The following TFAP2C variants were observed in gnomAD, a reference collection of about 807,000 sequenced individuals.
TFAP2C encodes the protein activating enhancer-binding protein 2 gamma.
In TFAP2C, 9 loss-of-function variants were observed where a neutral mutation model predicts 42.9. The observed-to-expected ratio is 0.21, with a 90% CI of 0.13 to 0.37. The LOEUF (loss-of-function observed/expected upper bound fraction) is 0.37. TFAP2C is among the 10% of genes least tolerant of loss of function. TFAP2C has a pLI of 1.00. For missense variants in TFAP2C, 462 were observed against 591.7 expected (o/e 0.78, Z 2.27); for synonymous variants, 264 against 256.0 (o/e 1.03, Z -0.30).
Position 56,639,064 on chromosome 20 carries a change from G to C in TFAP2C, c.*1051G>C, listed in dbSNP as rs1156789856. 1 of 152,550 alleles carries C rather than the reference G, an allele frequency of 6.6e-6. No individual in the cohort carries two copies. Among genetic ancestry groups the C allele is most frequent in the Non-Finnish European group, 1.5e-5 (1 of 68,032 alleles). The allele number at this position is 152,550 out of a possible 1,614,324, so 9.4% of individuals were successfully genotyped here. ...AAGAATTAAGAGGATGCTGGGCTCTGTTCTTGGCTTGGAAGATTCTATTTA... is the reference window on the plus strand; with the variant it reads ...AAGAATTAAGAGGATGCTGGGCTCTCTTCTTGGCTTGGAAGATTCTATTTA... On this transcript the variant is annotated 3_prime_UTR_variant, in exon 7 of 7. Coordinates refer to ENST00000201031, the MANE Select transcript of TFAP2C (RefSeq NM_003222.4).
chr20:56,636,343 G>T (rs899122154), intron 5 of TFAP2C, among the ~76,000 whole-genome samples: 1 of 152,164 alleles, frequency 6.6e-6, no homozygotes, highest in East Asian at 1.9e-4. Flanking sequence ...GCTGGCCAAT[G>T]TGGCAAAACC....
At position 56,638,795 on chromosome 20, in the gene TFAP2C, GT is replaced by G. The variant is rs1245039696; in HGVS notation, c.*783del. 2.0e-5 allele frequency: 3 copies of G among 152,200 alleles called. No individual in the cohort carries two copies. The highest frequency in any genetic ancestry group is 2.9e-5 in the Non-Finnish European group (2 of 67,984). 9.4% of individuals were successfully genotyped at this position (152,200 alleles called of 1,614,324 possible). A position where few individuals can be genotyped will look rare whatever the true frequency, so the allele number is the denominator to read the frequency against. Reference sequence around the variant, plus strand: ...GATGTTTCGAGTAAACTTGAAAAGGGTAGGCACGAAGCAATTTGTTGCTGCT... The same window carrying G: ...GATGTTTCGAGTAAACTTGAAAAGGGAGGCACGAAGCAATTTGTTGCTGCT... On this transcript the variant is annotated 3_prime_UTR_variant, in exon 7 of 7. Transcript: ENST00000201031.
chr20:56,629,530 GGGACGCC>G lies in TFAP2C; in HGVS notation c.-7_-1del. 1 of 1,420,746 alleles carries G rather than the reference GGGACGCC, an allele frequency of 7.0e-7. No homozygotes were observed. The highest frequency in any genetic ancestry group is 9.2e-7 in the Non-Finnish European group (1 of 1,084,618). 88.0% of individuals were successfully genotyped at this position (1,420,746 alleles called of 1,614,324 possible). A position where few individuals can be genotyped will look rare whatever the true frequency, so the allele number is the denominator to read the frequency against. ...TGGATTTAACTGGCGACTGTTTTGG[GGGACGCC>G]GGACGCCATGTTGTGGAAAATAACC... On this transcript the variant is annotated 5_prime_UTR_variant, in exon 1 of 7. Transcript: ENST00000201031. The surrounding 1 kb of genome is among the most constrained non-coding windows in gnomAD (Gnocchi z 5.9).
In TFAP2C at chr20:56,631,660, C is replaced by G. The variant is rs1374158707; in HGVS notation, c.504C>G (p.His168Gln). Residue 168 changes from histidine to glutamine, a missense_variant, in exon 2 of 7, where the codon CAC (histidine) becomes CAG (glutamine). Physicochemically the swap from His to Gln is conservative, Grantham distance 24. Around this residue, in one of 5 missense-constraint regions of TFAP2C, gnomAD observed 271 missense variants for 269.7 expected, o/e 1.00. Transcript: ENST00000201031. The surrounding 1 kb of genome is among the most constrained non-coding windows in gnomAD (Gnocchi z 6.1). ...GCCTGGCCGAGAACCTGGGGCTCCA[C>G]GACATGCCTCACCAGATGGACGAGG... ...AAGLAENLGL[H>Q]DMPHQMDEVQ... The G allele has an allele frequency of 4.4e-6, 7 of 1,586,128 alleles. No homozygotes were observed. Among genetic ancestry groups the G allele is most frequent in the Non-Finnish European group, 6.0e-6 (7 of 1,169,894 alleles).
At position 56,630,791 on chromosome 20, in the gene TFAP2C, A is replaced by T. The variant is rs537341326; in HGVS notation, c.49-414A>T. On this transcript the variant is annotated intron_variant, in intron 1 of 6. Transcript: ENST00000201031. This position sits in a 1 kb window ranked among gnomAD's most constrained non-coding sequence, Gnocchi z 5.1. ...TGCCACCTCCAGCAGTCCCTGCGTCATGGGCGGGCTCCACGAGATAGCTCT... is the reference window on the plus strand; with the variant it reads ...TGCCACCTCCAGCAGTCCCTGCGTCTTGGGCGGGCTCCACGAGATAGCTCT... 8.1e-6 allele frequency: 8 copies of T among 985,210 alleles called. No individual in the cohort carries two copies. The highest frequency in any genetic ancestry group is 1.2e-4 in the Admixed American group (2 of 16,270). 61.0% of individuals were successfully genotyped at this position (985,210 alleles called of 1,614,324 possible).
At position 56,630,906 on chromosome 20, in the gene TFAP2C, C is replaced by A. The variant is rs1363721349; in HGVS notation, c.49-299C>A. The A allele has an allele frequency of 1.0e-6, 1 of 985,314 alleles. No individual in the cohort carries two copies. The highest frequency in any genetic ancestry group is 1.7e-5 in the African/African-American group (1 of 57,240). The allele number at this position is 985,314 out of a possible 1,614,324, so 61.0% of individuals were successfully genotyped here. On this transcript the variant is annotated intron_variant, in intron 1 of 6. Transcript: ENST00000201031. The surrounding 1 kb of genome is among the most constrained non-coding windows in gnomAD (Gnocchi z 5.1). ...CTTTTCTGGCCCAAGACCCAGGGTT[C>A]GGACTTGGCGCCTCCAAGCGCCTCG...
Position 56,631,648 on chromosome 20 carries a change from C to A in TFAP2C, c.492C>A (p.Asn164Lys). The A allele has an allele frequency of 6.3e-7, 1 of 1,582,974 alleles. No homozygotes were observed. The highest frequency in any genetic ancestry group is 1.7e-5 in the Admixed American group (1 of 57,506). ...HALDAAGLAE[N>K]LGLHDMPHQM... ...TGGATGCCGCGGGCCTGGCCGAGAACCTGGGGCTCCACGACATGCCTCACC... is the reference window on the plus strand; with the variant it reads ...TGGATGCCGCGGGCCTGGCCGAGAAACTGGGGCTCCACGACATGCCTCACC... Residue 164 changes from asparagine to lysine, a missense_variant, in exon 2 of 7, where the codon AAC becomes AAA. Coordinates refer to ENST00000201031, the MANE Select transcript of TFAP2C (RefSeq NM_003222.4). The surrounding 1 kb of genome is among the most constrained non-coding windows in gnomAD (Gnocchi z 6.1).
chr20:56,633,250 T>C, intron 3 of TFAP2C, 103 bp from the exon 4 acceptor site: 1 of 849,744 alleles, frequency 1.2e-6, no homozygotes, highest in Non-Finnish European at 1.9e-6. Context: ...TGTGCAATGA[T>C]GCTTGTCTAA....
chr20:56,629,601 G>A lies in TFAP2C; in HGVS notation c.48+9G>A, dbSNP rs1179099840. 1 of 1,410,820 alleles carries A rather than the reference G, an allele frequency of 7.1e-7. No homozygotes were observed. 87.4% of individuals were successfully genotyped at this position (1,410,820 alleles called of 1,614,324 possible). On this transcript the variant is annotated intron_variant, in intron 1 of 6. Transcript: ENST00000201031. This position sits in a 1 kb window ranked among gnomAD's most constrained non-coding sequence, Gnocchi z 5.9. ...ACGAAGAGGACTGCGAGGTGAGCTGGGGCTCCGGGGTGCAGCCCCGCCCCG... is the reference window on the plus strand; with the variant it reads ...ACGAAGAGGACTGCGAGGTGAGCTGAGGCTCCGGGGTGCAGCCCCGCCCCG...
At chr20:56,636,525 CAA>C (rs74181067) in intron 5 of TFAP2C, 83 bp from the exon 6 acceptor site, 24,599 of 1,213,522 alleles carry the variant, frequency 0.02, 6 homozygotes, top group South Asian at 0.032. Context: ...GACTCCGTGT[CAA>C]AAAAAAAAAA....
In TFAP2C at chr20:56,637,942, A is replaced by C; in HGVS notation, c.1282A>C (p.Met428Leu). 2 of 1,613,968 alleles carry C rather than the reference A, an allele frequency of 1.2e-6. No homozygotes were observed. Among genetic ancestry groups the C allele is most frequent in the Non-Finnish European group, 1.7e-6 (2 of 1,179,820 alleles). The change falls in exon 7 of 7, where the codon ATG (methionine) becomes CTG (leucine). Residue 428 changes from methionine to leucine, a missense_variant. Transcript: ENST00000201031. ...EALIVIDKSY[M>L]NPGDQSPADS... ...CCTGATTGTCATAGACAAATCCTAC[A>C]TGAACCCTGGAGACCAGAGTCCAGC...
rs1186079289 is a variant in TFAP2C at position 56,637,784 on chromosome 20, C to T, written c.1124C>T (p.Thr375Ile). ...AGCCAAGACCGGACACCCCATGGGA[C>T]CAGCAGGCTCGCCCCAGTCTTGGAG... Reference protein sequence around the residue: ...LLSQDRTPHGTSRLAPVLETN... With the variant: ...LLSQDRTPHGISRLAPVLETN... The change falls in exon 7 of 7, where the codon ACC becomes ATC. Residue 375 changes from threonine (T) to isoleucine (I), a missense_variant. This residue lies in a region of TFAP2C where 130 missense variants were observed against 160.8 expected (regional missense o/e 0.81). Coordinates refer to ENST00000201031, the MANE Select transcript of TFAP2C (RefSeq NM_003222.4). 1.2e-6 allele frequency: 2 copies of T among 1,614,164 alleles called. No individual in the cohort carries two copies. The highest frequency in any genetic ancestry group is 1.7e-6 in the Non-Finnish European group (2 of 1,180,020).
intron 3 of TFAP2C, among the ~76,000 whole-genome samples, chr20:56,633,084 A>T (rs540444027): frequency 6.6e-6 from 1 of 152,152 alleles, no homozygotes; most frequent in African/African-American, 2.4e-5. Context: ...AATTAGCTGG[A>T]TGTAGTGGTG....
Position 56,630,893 on chromosome 20 carries a change from A to C in TFAP2C, c.49-312A>C. On this transcript the variant is annotated intron_variant, in intron 1 of 6. Transcript: ENST00000201031. This position sits in a 1 kb window ranked among gnomAD's most constrained non-coding sequence, Gnocchi z 5.1. ...CTCCGGCCACGGACTTTTCTGGCCC[A>C]AGACCCAGGGTTCGGACTTGGCGCC... 2.0e-6 allele frequency: 2 copies of C among 985,184 alleles called. No homozygotes were observed. The highest frequency in any genetic ancestry group is 1.2e-6 in the Non-Finnish European group (1 of 829,860). The allele number at this position is 985,184 out of a possible 1,614,324, so 61.0% of individuals were successfully genotyped here.
At chr20:56,634,386 G>A (rs1987548228) in intron 5 of TFAP2C, 118 bp downstream of exon 5, 3 of 713,114 alleles carry the variant, frequency 4.2e-6, no homozygotes, top group South Asian at 3.3e-5. Flanking sequence ...AGAGATGAAA[G>A]CAATTGGAAT....
chr20:56,632,931 A>T (rs986904933), intron 3 of TFAP2C, among the ~76,000 whole-genome samples: 10 of 152,178 alleles, frequency 6.6e-5, no homozygotes, highest in African/African-American at 2.4e-4. Flanking sequence ...CTTTTTTAAA[A>T]AGTCAGCCAT....
chr20:56,637,554 T>C (rs946869865), intron 6 of TFAP2C, among the ~76,000 whole-genome samples, 174 bp from the exon 7 acceptor site: 14 of 152,268 alleles, frequency 9.2e-5, no homozygotes, highest in African/African-American at 3.4e-4. Context: ...ACTCAGAGCC[T>C]GGCGCAGAAT....
In TFAP2C at chr20:56,629,655, C is replaced by G; in HGVS notation, c.48+63C>G. ...AGGACAGTCCGGGAGGCAGGGGCCA[C>G]TGGACCGAGGTCGGGGACGAGGGCA... On this transcript the variant is annotated intron_variant, in intron 1 of 6. Coordinates refer to ENST00000201031, the MANE Select transcript of TFAP2C (RefSeq NM_003222.4). The surrounding 1 kb of genome is among the most constrained non-coding windows in gnomAD (Gnocchi z 5.9). The G allele has an allele frequency of 7.7e-7, 1 of 1,306,276 alleles. No individual in the cohort carries two copies. The highest frequency in any genetic ancestry group is 9.9e-7 in the Non-Finnish European group (1 of 1,010,056). The allele number at this position is 1,306,276 out of a possible 1,614,324, so 80.9% of individuals were successfully genotyped here. A position where few individuals can be genotyped will look rare whatever the true frequency, so the allele number is the denominator to read the frequency against.
intron 4 of TFAP2C, 83 bp from the exon 5 acceptor site, chr20:56,634,067 T>A: frequency 1.1e-6 from 1 of 890,522 alleles, no homozygotes; most frequent in Non-Finnish European, 1.8e-6. Context: ...AGCAGCACTT[T>A]AGGAGTTTAG....
Sources: allele counts gnomAD v4.1 joint callset (sites outside exome capture counted in the v4.1 genomes callset), GRCh38; gene constraint gnomAD v4.1.1; regional missense constraint gnomAD v4.1.1; non-coding constraint Gnocchi (gnomAD v3.1); transcripts MANE v1.5; gene names NCBI Gene and HGNC (gene_info 2026-07-23, HGNC 2026-07-21).